PLSCR1: variants seen among roughly 807,000 people sequenced by gnomAD.
PLSCR1 encodes PL scramblase 1.
A neutral mutation model predicts 37.8 loss-of-function variants in PLSCR1; 17 were observed. The observed-to-expected ratio is 0.45, with a 90% confidence interval of 0.31 to 0.68. The LOEUF (loss-of-function observed/expected upper bound fraction) is 0.68, where lower values mean the gene tolerates loss of function less well. Ranked by LOEUF, PLSCR1 falls within the 30% of genes least tolerant of loss-of-function variation. PLSCR1 has a pLI of 0.06. For missense variants in PLSCR1, 347 were observed against 380.9 expected (o/e 0.91, Z 0.74); for synonymous variants, 116 against 125.9 (o/e 0.92, Z 0.53).
At chr3:146,522,419 G>A (rs2044037226) in intron 5 of PLSCR1, among the ~76,000 whole-genome samples, 1 of 151,706 alleles carries the variant, frequency 6.6e-6, no homozygotes, top group African/African-American at 2.4e-5. Context: ...TGAAACATGT[G>A]CTGTGTCAAT....
chr3:146,528,592 T>C (rs2044151713), intron 4 of PLSCR1, 22 bp downstream of exon 4: 1 of 1,571,542 alleles, frequency 6.4e-7, no homozygotes, highest in South Asian at 1.1e-5. Context: ...TTTTTATGAG[T>C]ATTTTGTGTC....
chr3:146,530,065 AT>A (rs1455699730), intron 3 of PLSCR1, among the ~76,000 whole-genome samples: 1 of 152,182 alleles, frequency 6.6e-6, no homozygotes, highest in Non-Finnish European at 1.5e-5. Flanking sequence ...AATGTACTTC[AT>A]ATTCTCTGCG....
At position 146,521,638 on chromosome 3, in the gene PLSCR1, G is replaced by T; in HGVS notation, c.644C>A (p.Pro215Gln). The part of the protein sequence containing the change: ...YVIQTWHPCL[P>Q]KFTIQNEKRE... Reference sequence around the variant, plus strand: ...TTTCTCATTTTGAATTGTAAACTTTGGTAGACATGGGTGCCAAGTCTGAAT... The same window carrying T: ...TTTCTCATTTTGAATTGTAAACTTTTGTAGACATGGGTGCCAAGTCTGAAT... Residue 215 changes from proline to glutamine, a missense_variant, in exon 7 of 9, where the codon CCA becomes CAA. Physicochemically the swap from Pro to Gln is moderately conservative, Grantham distance 76 (BLOSUM62 -1). Coordinates refer to ENST00000342435, the MANE Select transcript of PLSCR1 (RefSeq NM_021105.3). 1 of 1,613,180 alleles carries T rather than the reference G, an allele frequency of 6.2e-7. No homozygotes were observed. Among genetic ancestry groups the T allele is most frequent in the Non-Finnish European group, 8.5e-7 (1 of 1,179,244 alleles).
Position 146,525,594 on chromosome 3 carries a change from T to C in PLSCR1, c.355+11A>G, listed in dbSNP as rs758553233. 3 of 1,412,476 alleles carry C rather than the reference T, an allele frequency of 2.1e-6. No individual in the cohort carries two copies. Among genetic ancestry groups the C allele is most frequent in the African/African-American group, 1.4e-5 (1 of 71,030 alleles). The allele number at this position is 1,412,476 out of a possible 1,614,324, so 87.5% of individuals were successfully genotyped here. On this transcript the variant is annotated intron_variant, in intron 5 of 8. Transcript: ENST00000342435. ...CTTTATAGAAACAGGATTAAAACAA[T>C]GAATACATACCTTCCAGAAGTTCAA...
intron 5 of PLSCR1, among the ~76,000 whole-genome samples, chr3:146,523,614 G>T (rs1210239436): frequency 6.6e-6 from 1 of 152,180 alleles, no homozygotes; most frequent in Non-Finnish European, 1.5e-5. Context: ...AACAGTAGTT[G>T]TTCAGAAGTG....
intron 1 of PLSCR1, among the ~76,000 whole-genome samples, chr3:146,537,606 G>A (rs1187823095): frequency 6.6e-6 from 1 of 152,130 alleles, no homozygotes; most frequent in African/African-American, 2.4e-5. Flanking sequence ...AGGGATGGTG[G>A]CTTATGCCTA....
At chr3:146,519,972 G>T (rs2043997254) in intron 7 of PLSCR1, among the ~76,000 whole-genome samples, 1 of 151,978 alleles carries the variant, frequency 6.6e-6, no homozygotes, top group Non-Finnish European at 1.5e-5. Context: ...AATGACTCCT[G>T]CCCCTGCTGT....
At position 146,528,747 on chromosome 3, in the gene PLSCR1, C is replaced by T. The variant is rs776885202; in HGVS notation, c.179G>A (p.Gly60Asp). 1.2e-6 allele frequency: 2 copies of T among 1,614,186 alleles called. No individual in the cohort carries two copies. The highest frequency in any genetic ancestry group is 2.2e-5 in the East Asian group (1 of 44,878). Residue 60 changes from glycine to aspartate, a missense_variant, in exon 4 of 9, where the codon GGC (glycine) becomes GAC (aspartate). Physicochemically the swap from Gly to Asp is moderately conservative, Grantham distance 94 (BLOSUM62 -1). Coordinates refer to ENST00000342435, the MANE Select transcript of PLSCR1 (RefSeq NM_021105.3). ...CACTGGCTGATTTGGGACAGGAAAG[C>T]CAGCTGGGCCAGGACCTGAATGGCC... ...PAGHSGPGPAGFPVPNQPVYN... is the reference protein window; with the variant it reads ...PAGHSGPGPADFPVPNQPVYN...
At chr3:146,526,012 T>C (rs1015472050) in intron 4 of PLSCR1, among the ~76,000 whole-genome samples, 1 of 150,214 alleles carries the variant, frequency 6.7e-6, no homozygotes, top group Non-Finnish European at 1.5e-5. Context: ...TGAAACCCTG[T>C]CTCTACTAAA....
At chr3:146,528,035 A>G (rs2044143476) in intron 4 of PLSCR1, 1 of 152,246 alleles carries the variant, frequency 6.6e-6, no homozygotes. Context: ...ATTAGTTACA[A>G]TAAAAAGGTG....
chr3:146,516,174 C>A, intron 8 of PLSCR1, 73 bp from the exon 9 acceptor site: 1 of 859,802 alleles, frequency 1.2e-6, no homozygotes, highest in East Asian at 2.5e-5. Flanking sequence ...TGCAGAAATA[C>A]TAAGGGATCT....
intron 2 of PLSCR1, among the ~76,000 whole-genome samples, chr3:146,534,341 C>G (rs2044237732): frequency 6.8e-6 from 1 of 147,626 alleles, no homozygotes; most frequent in Non-Finnish European, 1.5e-5. Flanking sequence ...GTGCAGTAGA[C>G]ACTACACTTA....
At chr3:146,525,851 A>G (rs971672171) in intron 4 of PLSCR1, among the ~76,000 whole-genome samples, 3 of 152,076 alleles carry the variant, frequency 2.0e-5, no homozygotes, top group Non-Finnish European at 2.9e-5. Context: ...ATTAATGTGG[A>G]AAAATTTAGG....
chr3:146,532,476 G>A (rs2044212055), intron 3 of PLSCR1, among the ~76,000 whole-genome samples: 1 of 152,202 alleles, frequency 6.6e-6, no homozygotes, highest in Non-Finnish European at 1.5e-5. Context: ...ATACTTCAGT[G>A]CAGACAAGGT....
chr3:146,535,649 T>C (rs2044256552), intron 2 of PLSCR1, among the ~76,000 whole-genome samples: 3 of 152,206 alleles, frequency 2.0e-5, no homozygotes, highest in East Asian at 1.9e-4. Context: ...AAGTTGCCTA[T>C]GACCATCACC....
intron 7 of PLSCR1, among the ~76,000 whole-genome samples, chr3:146,519,975 C>T (rs887653229): frequency 5.3e-5 from 8 of 152,004 alleles, no homozygotes; most frequent in Non-Finnish European, 1.2e-4. Flanking sequence ...GACTCCTGCC[C>T]CTGCTGTGGA....
intron 2 of PLSCR1, 51 bp downstream of exon 2, chr3:146,536,489 A>G: frequency 1.0e-6 from 1 of 973,060 alleles, no homozygotes; most frequent in Admixed American, 1.7e-5. Flanking sequence ...CAAGTTACCA[A>G]CAGATTAACA....
At chr3:146,519,415 G>C (rs1401792430) in intron 7 of PLSCR1, among the ~76,000 whole-genome samples, 1 of 152,018 alleles carries the variant, frequency 6.6e-6, no homozygotes, top group African/African-American at 2.4e-5. Context: ...CAGATTTCAA[G>C]CTCATAGACA....
At chr3:146,533,776 A>C (rs997761525) in intron 2 of PLSCR1, among the ~76,000 whole-genome samples, 3 of 152,208 alleles carry the variant, frequency 2.0e-5, no homozygotes, top group African/African-American at 7.2e-5. Flanking sequence ...GAGACAGTTA[A>C]GTTACTGGGG....
Sources: gnomAD v4.1 joint callset for allele counts (sites outside exome capture counted in the v4.1 genomes callset) on GRCh38, gnomAD v4.1.1 for gene constraint, MANE v1.5 for transcripts, NCBI Gene and HGNC (gene_info 2026-07-23, HGNC 2026-07-21) for gene names.